The following ASPRV1 variants were observed in gnomAD, a reference collection of about 807,000 sequenced individuals.
ASPRV1 encodes retroviral-like aspartic protease 1.
ASPRV1 carries 7 observed loss-of-function variants against 11.0 expected under a neutral mutation model. That is an observed-to-expected ratio of 0.64 (90% CI 0.36 to 1.20). The LOEUF (loss-of-function observed/expected upper bound fraction) is 1.20, where lower values mean the gene tolerates loss of function less well. Ranked by LOEUF, ASPRV1 falls within the 50% of genes most tolerant of loss-of-function variation. The pLI, the probability that ASPRV1 is intolerant of heterozygous loss-of-function variation, is 0.02. For synonymous variants in ASPRV1, 136 were observed against 138.4 expected, an observed-to-expected ratio of 0.98 and a Z score of 0.12; for missense variants, 299 against 320.0, an observed-to-expected ratio of 0.93 and a Z score of 0.50.
At chr2:70,085,636 AG>A in the ASPRV1 span, 21 of 95,526 alleles carry the variant, frequency 2.2e-4, no homozygotes, top group African/African-American at 1.9e-3. Context: ...TGTTTAAAAG[AG>A]AGAGAGAGAG....
the ASPRV1 span, among the ~76,000 whole-genome samples, chr2:70,029,471 T>C: frequency 6.6e-6 from 1 of 151,932 alleles, no homozygotes; most frequent in Non-Finnish European, 1.5e-5. Flanking sequence ...AAACCCCATC[T>C]CTGCTAAAAT....
At chr2:69,937,258 A>C in the ASPRV1 span, 7 of 1,614,038 alleles carry the variant, frequency 4.3e-6, no homozygotes, top group Admixed American at 1.2e-4. Context: ...GTGACAGAAA[A>C]GCCGTTCACC....
At chr2:69,944,658 C>T in the ASPRV1 span, among the ~76,000 whole-genome samples, 1 of 150,998 alleles carries the variant, frequency 6.6e-6, no homozygotes, top group African/African-American at 2.5e-5. Flanking sequence ...CTTTTTAAGC[C>T]TTTGAACGAG....
At chr2:69,937,012 G>A in the ASPRV1 span, 1 of 662,392 alleles carries the variant, frequency 1.5e-6, no homozygotes, top group Non-Finnish European at 2.8e-6. Context: ...CAGAATCCCT[G>A]TGACAGGACA....
the ASPRV1 span, among the ~76,000 whole-genome samples, chr2:70,048,289 C>T: frequency 6.6e-6 from 1 of 151,008 alleles, no homozygotes; most frequent in Non-Finnish European, 1.5e-5. Flanking sequence ...GTGGCAGGTG[C>T]CTGTAGTCCC....
the ASPRV1 span, among the ~76,000 whole-genome samples, chr2:70,061,330 G>GTAC: frequency 6.6e-6 from 1 of 151,728 alleles, no homozygotes; most frequent in Non-Finnish European, 1.5e-5. Flanking sequence ...GGGAGGCAGA[G>GTAC]GTTGTAGTGA....
At chr2:70,085,826 T>C in the ASPRV1 span, 1 of 152,234 alleles carries the variant, frequency 6.6e-6, no homozygotes. Flanking sequence ...CGGCCAACTG[T>C]CCTATGAAAA....
the ASPRV1 span, chr2:69,942,924 A>C: frequency 6.6e-6 from 1 of 152,284 alleles, no homozygotes; most frequent in East Asian, 1.9e-4. Context: ...ACAAATAATA[A>C]ATTATTTCAT....
At chr2:70,029,747 G>A in the ASPRV1 span, among the ~76,000 whole-genome samples, 1 of 152,142 alleles carries the variant, frequency 6.6e-6, no homozygotes, top group African/African-American at 2.4e-5. Flanking sequence ...AGCACACCAA[G>A]GCTGAGCTAA....
the ASPRV1 span, among the ~76,000 whole-genome samples, chr2:69,985,151 C>T: frequency 2.6e-5 from 4 of 152,288 alleles, no homozygotes; most frequent in East Asian, 3.9e-4. Flanking sequence ...CCACGGCGCC[C>T]GGCCCAGGTC....
upstream of ASPRV1, chr2:69,961,672 G>T (rs1408273196): frequency 1.3e-6 from 2 of 1,544,974 alleles, no homozygotes; most frequent in East Asian, 2.3e-5. Context: ...GCCTAGGCTG[G>T]CCCCTGGGCT....
chr2:69,994,938 C>T, the ASPRV1 span, among the ~76,000 whole-genome samples: 5 of 151,806 alleles, frequency 3.3e-5, no homozygotes, highest in South Asian at 4.2e-4. Flanking sequence ...GAAGGCGGAG[C>T]TTGCAGTGAG....
the ASPRV1 span, among the ~76,000 whole-genome samples, chr2:70,075,444 A>G: frequency 6.6e-6 from 1 of 152,076 alleles, no homozygotes; most frequent in Non-Finnish European, 1.5e-5. Context: ...ACTTGAAGCA[A>G]GTTTTCTAAC....
At chr2:70,086,566 G>A in the ASPRV1 span, 11 of 152,268 alleles carry the variant, frequency 7.2e-5, no homozygotes, top group Non-Finnish European at 2.9e-5. Context: ...CCGAAAAGCA[G>A]CCGCGGGAGC....
the ASPRV1 span, chr2:69,936,874 T>C: frequency 3.0e-5 from 13 of 429,988 alleles, no homozygotes; most frequent in Non-Finnish European, 5.2e-5. Flanking sequence ...TGCAGTTTTC[T>C]AGTCCGGAGA....
At chr2:70,031,541 C>G in the ASPRV1 span, 1 of 152,106 alleles carries the variant, frequency 6.6e-6, no homozygotes, top group South Asian at 2.1e-4. Context: ...ACTAAAAATA[C>G]AAAAAATTAG....
Position 69,961,381 on chromosome 2 carries a change from G to T in ASPRV1, c.56C>A (p.Pro19Gln), listed in dbSNP as rs540713196. 1.8e-5 allele frequency: 29 copies of T among 1,613,982 alleles called. No individual in the cohort carries two copies. The highest frequency in any genetic ancestry group is 2.4e-5 in the Non-Finnish European group (28 of 1,180,034). ...GACATTGGCCCCATCAAAAGGTTCC[G>T]GGACGAAGGCATGCTGCCGGCGGCC... ...EEGRRQHAFV[P>Q]EPFDGANVVP... The change falls in exon 1 of 1, where the codon CCG becomes CAG. Residue 19 changes from proline to glutamine, a missense_variant. Coordinates refer to ENST00000320256, the MANE Select transcript of ASPRV1 (RefSeq NM_152792.4).
At chr2:69,956,831 C>T (rs1232824282), downstream of ASPRV1, among the ~76,000 whole-genome samples, 1 of 152,216 alleles carries the variant, frequency 6.6e-6, no homozygotes, top group African/African-American at 2.4e-5. Context: ...TGCACCATCA[C>T]TTCTGGGTAT....
At chr2:69,958,186 G>T (rs1034014458), downstream of ASPRV1, among the ~76,000 whole-genome samples, 1 of 152,192 alleles carries the variant, frequency 6.6e-6, no homozygotes, top group African/African-American at 2.4e-5. Context: ...CGCATCTGCA[G>T]CTGTGATCAC....
Sources: allele counts gnomAD v4.1 joint callset (sites outside exome capture counted in the v4.1 genomes callset), GRCh38; gene constraint gnomAD v4.1.1; transcripts MANE v1.5; gene names NCBI Gene and HGNC (gene_info 2026-07-23, HGNC 2026-07-21).